Variants in BBX observed in about 807,000 individuals in gnomAD.
BBX encodes HMG box transcription factor BBX.
BBX carries 30 observed loss-of-function variants against 100.2 expected under a neutral mutation model. The ratio of observed to expected loss-of-function variants is 0.30; its 90% CI spans 0.22 to 0.41. BBX has a LOEUF of 0.41. Ranked by LOEUF, BBX falls within the 10% of genes least tolerant of loss-of-function variation. BBX has a pLI of 1.00. For missense variants in BBX, 1,023 were observed against 1,129.8 expected (o/e 0.91, Z 1.35); for synonymous variants, 376 against 388.1 (o/e 0.97, Z 0.37).
intron 3 of BBX, among the ~76,000 whole-genome samples, chr3:107,664,764 A>G (rs939564819): frequency 2.6e-5 from 4 of 152,228 alleles, no homozygotes; most frequent in Non-Finnish European, 4.4e-5. Context: ...CAGAGAATGT[A>G]CATTTCTTTT....
chr3:107,598,243 A>G (rs1447461064), intron 2 of BBX, among the ~76,000 whole-genome samples: 1 of 152,130 alleles, frequency 6.6e-6, no homozygotes. Flanking sequence ...GACCAAGGTA[A>G]ATTGTTTATG....
rs774718025 is a variant in BBX at position 107,791,306 on chromosome 3, C to T, written c.2353+7C>T. ...GCCATTCACCCTACAGAAGGTAAGA[C>T]AAGCAATGTTATTTAATTTGAGACA... On this transcript the variant is annotated splice_region_variant and intron_variant, in intron 15 of 17. Transcript: ENST00000325805. The T allele has an allele frequency of 3.7e-6, 6 of 1,609,126 alleles. No individual in the cohort carries two copies. The highest frequency in any genetic ancestry group is 5.1e-6 in the Non-Finnish European group (6 of 1,176,234).
At chr3:107,554,206 A>G (rs757554679) in intron 2 of BBX, among the ~76,000 whole-genome samples, 11 of 152,236 alleles carry the variant, frequency 7.2e-5, no homozygotes, top group Non-Finnish European at 1.6e-4. Flanking sequence ...ATGAAGGAAT[A>G]AAACAGACAG....
In BBX at chr3:107,767,492, T is replaced by C. The variant is rs570259112; in HGVS notation, c.907-5136T>C. Among the ~76,000 whole-genome samples, 106 of 152,258 alleles carry C rather than the reference T, an allele frequency of 7.0e-4. 1 individual carries two copies. Among genetic ancestry groups the C allele is most frequent in the Admixed American group, 2.4e-3 (37 of 15,280 alleles). On this transcript the variant is annotated intron_variant, in intron 10 of 17. Coordinates refer to ENST00000325805, the MANE Select transcript of BBX (RefSeq NM_001142568.3). ...GTAGGATACCACAAGACCTTGCAAA[T>C]TGGGTTTCAACCTCACTTTTGATCA... is the stretch of plus-strand genomic sequence containing the variant.
intron 13 of BBX, among the ~76,000 whole-genome samples, chr3:107,781,800 G>A (rs2067916948): frequency 6.6e-6 from 1 of 151,988 alleles, no homozygotes; most frequent in African/African-American, 2.4e-5. Flanking sequence ...CAAACATACT[G>A]TTGATCCTTC....
At chr3:107,642,084 TAATTGGCCAA>T (rs1234830752) in intron 2 of BBX, among the ~76,000 whole-genome samples, 47 of 152,310 alleles carry the variant, frequency 3.1e-4, no homozygotes, top group Non-Finnish European at 1.3e-4. Context: ...GGCATGGAAT[TAATTGGCCAA>T]AATTGCATAA....
intron 2 of BBX, among the ~76,000 whole-genome samples, chr3:107,604,703 A>T (rs773154061): frequency 6.6e-6 from 1 of 152,170 alleles, no homozygotes; most frequent in Non-Finnish European, 1.5e-5. Flanking sequence ...TAAACTACTT[A>T]AATCAGGCCT....
intron 4 of BBX, among the ~76,000 whole-genome samples, chr3:107,712,186 A>G (rs2061768177): frequency 6.6e-6 from 1 of 151,938 alleles, no homozygotes; most frequent in African/African-American, 2.4e-5. Flanking sequence ...CCCTCTTTCT[A>G]TTTCTACCTT....
At chr3:107,535,148 C>T (rs762650617) in intron 2 of BBX, among the ~76,000 whole-genome samples, 21 of 152,232 alleles carry the variant, frequency 1.4e-4, no homozygotes, top group Admixed American at 2.6e-4. Context: ...CCACAATCTC[C>T]TGAGGCTTTT....
At chr3:107,693,272 C>G (rs971079847) in intron 3 of BBX, among the ~76,000 whole-genome samples, 1 of 151,798 alleles carries the variant, frequency 6.6e-6, no homozygotes, top group Non-Finnish European at 1.5e-5. Context: ...AAGTCCTTGT[C>G]CATGCCTATG....
intron 2 of BBX, among the ~76,000 whole-genome samples, chr3:107,527,642 G>A (rs1002564121): frequency 3.9e-5 from 6 of 152,046 alleles, no homozygotes; most frequent in African/African-American, 1.4e-4. Flanking sequence ...GTTTTGCATC[G>A]AACATTTTCT....
intron 2 of BBX, among the ~76,000 whole-genome samples, chr3:107,622,350 T>A (rs2055840605): frequency 6.6e-6 from 1 of 152,234 alleles, no homozygotes; most frequent in Non-Finnish European, 1.5e-5. Context: ...TTGGGTTGTT[T>A]CTACTTTATA....
intron 5 of BBX, among the ~76,000 whole-genome samples, chr3:107,722,349 T>A (rs570264107): frequency 6.6e-6 from 1 of 152,156 alleles, no homozygotes; most frequent in African/African-American, 2.4e-5. Context: ...GACAGATCAC[T>A]GTCCACCTTT....
chr3:107,759,522 G>A (rs1179555455), intron 10 of BBX, among the ~76,000 whole-genome samples: 3 of 152,126 alleles, frequency 2.0e-5, no homozygotes, highest in Non-Finnish European at 4.4e-5. Flanking sequence ...ATAGTTGGAG[G>A]ACACTGAAGA....
intron 9 of BBX, among the ~76,000 whole-genome samples, chr3:107,748,717 C>T (rs189677661): frequency 8.5e-5 from 13 of 152,198 alleles, no homozygotes; most frequent in South Asian, 2.1e-4. Flanking sequence ...AATAATAAAA[C>T]GTATACAGTT....
chr3:107,781,284 C>T (rs2067860899), intron 13 of BBX, among the ~76,000 whole-genome samples: 1 of 151,918 alleles, frequency 6.6e-6, no homozygotes, highest in Non-Finnish European at 1.5e-5. Flanking sequence ...CCTCTTATGT[C>T]TGTGTCATAG....
At position 107,755,651 on chromosome 3, in the gene BBX, A is replaced by G; in HGVS notation, c.879A>G (p.Gly293=). ...LGGAEPVKRC[G]KSALFQLAEM... ...GTGCTGAGCCTGTAAAACGCTGTGG[A>G]AAGTCTGCACTCTTTCAACTGGCAG... The change falls in exon 10 of 18, where the codon GGA becomes GGG. Residue 293 remains glycine (G), a synonymous_variant. Coordinates refer to ENST00000325805, the MANE Select transcript of BBX (RefSeq NM_001142568.3). 2 of 1,613,924 alleles carry G rather than the reference A, an allele frequency of 1.2e-6. No homozygotes were observed. Among genetic ancestry groups the G allele is most frequent in the South Asian group, 1.1e-5 (1 of 91,078 alleles).
chr3:107,596,042 G>A (rs1043036167), intron 2 of BBX, among the ~76,000 whole-genome samples: 2 of 151,982 alleles, frequency 1.3e-5, no homozygotes, highest in African/African-American at 4.8e-5. Flanking sequence ...ACAAATTGTC[G>A]CAAATCTCCA....
In BBX at chr3:107,695,925, G is replaced by A. The variant is rs540061016; in HGVS notation, c.-9-14527G>A. On this transcript the variant is annotated intron_variant, in intron 3 of 17. Coordinates refer to ENST00000325805, the MANE Select transcript of BBX (RefSeq NM_001142568.3). ...TTTAGGATAGTTAGCTCTTCTTGTT[G>A]AATTGATCCGTTTACCATTAAGTAA... 3.9e-5 allele frequency among the ~76,000 whole-genome samples: 6 copies of A among 151,956 alleles called. No individual in the cohort carries two copies. The East Asian group carries it at 9.6e-4, about 24-fold the overall frequency.
Sources: gnomAD v4.1 joint callset for allele counts (sites outside exome capture counted in the v4.1 genomes callset) on GRCh38, gnomAD v4.1.1 for gene constraint, MANE v1.5 for transcripts, NCBI Gene and HGNC (gene_info 2026-07-23, HGNC 2026-07-21) for gene names.